Variants in CERS3 observed in about 807,000 individuals in gnomAD.
CERS3 encodes LAG1 homolog, ceramide synthase 3.
CERS3 carries 33 observed loss-of-function variants against 50.3 expected under a neutral mutation model. The observed-to-expected ratio is 0.66, with a 90% CI of 0.50 to 0.88. CERS3 has a LOEUF of 0.88. CERS3 is among the 40% of genes least tolerant of loss of function. CERS3 has a pLI of 0.00. For synonymous variants in CERS3, 176 were observed against 155.2 expected (o/e 1.13, Z -0.99); for missense variants, 470 against 460.3 (o/e 1.02, Z -0.19).
At chr15:100,537,454 G>A (rs2037101696) in intron 1 of CERS3, among the ~76,000 whole-genome samples, 1 of 152,200 alleles carries the variant, frequency 6.6e-6, no homozygotes, top group Non-Finnish European at 1.5e-5. Flanking sequence ...ATAAAGCAAA[G>A]AGGTTTAACT....
chr15:100,423,789 A>T (rs1361543372), intron 11 of CERS3, among the ~76,000 whole-genome samples: 1 of 152,126 alleles, frequency 6.6e-6, no homozygotes, highest in East Asian at 1.9e-4. Flanking sequence ...CCCCTACTCC[A>T]GCCATGTAAG....
At chr15:100,439,712 A>T (rs191692457) in intron 11 of CERS3, among the ~76,000 whole-genome samples, 3 of 152,320 alleles carry the variant, frequency 2.0e-5, no homozygotes, top group Admixed American at 2.0e-4. Flanking sequence ...TGTTCTTTAA[A>T]AGGAGGCTTT....
chr15:100,471,266 C>G (rs1054119721), intron 9 of CERS3, among the ~76,000 whole-genome samples: 1 of 151,838 alleles, frequency 6.6e-6, no homozygotes, highest in African/African-American at 2.4e-5. Context: ...GACCTCAGAA[C>G]GTTTTCAGGT....
At chr15:100,473,149 C>T in intron 8 of CERS3, 97 bp from the exon 9 acceptor site, 2 of 1,277,848 alleles carry the variant, frequency 1.6e-6, no homozygotes, top group South Asian at 2.9e-5. Flanking sequence ...CAATAACTTA[C>T]ATCTGCATGT....
Position 100,467,845 on chromosome 15 carries a change from A to ACG in CERS3, c.845+1532_845+1533insCG, listed in dbSNP as rs1479758825. On this transcript the variant is annotated intron_variant, in intron 10 of 11. Transcript: ENST00000679737. ...TGTGTATATATATACGTGTATATAT[A>ACG]TATATATAGATAGATAGATAGATAG... Among the ~76,000 whole-genome samples, 775 of 79,778 alleles carry ACG rather than the reference A, an allele frequency of 9.7e-3. 18 individuals are homozygous for ACG. Among genetic ancestry groups the ACG allele is most frequent in the Non-Finnish European group, 0.015 (572 of 38,256 alleles). The allele number at this position is 79,778 out of a possible 152,430, so 52.3% of individuals were successfully genotyped here.
At chr15:100,542,209 G>A (rs909410330) in intron 1 of CERS3, among the ~76,000 whole-genome samples, 1 of 152,088 alleles carries the variant, frequency 6.6e-6, no homozygotes, top group African/African-American at 2.4e-5. Flanking sequence ...TTCAGCCTCA[G>A]GAATGAACTA....
chr15:100,477,753 C>A (rs1324848256), intron 7 of CERS3, among the ~76,000 whole-genome samples: 1 of 152,108 alleles, frequency 6.6e-6, no homozygotes, highest in African/African-American at 2.4e-5. Context: ...TACTAGGAAG[C>A]AAACTGGTGT....
intron 2 of CERS3, among the ~76,000 whole-genome samples, chr15:100,505,961 C>T (rs2036164469): frequency 6.6e-6 from 1 of 152,176 alleles, no homozygotes. Flanking sequence ...TTTCAGTGAG[C>T]CAAAATGGGG....
intron 3 of CERS3, among the ~76,000 whole-genome samples, chr15:100,492,816 T>C (rs926758017): frequency 6.6e-6 from 1 of 152,214 alleles, no homozygotes; most frequent in African/African-American, 2.4e-5. Context: ...TATTTTCTGA[T>C]GGACCATTTT....
At chr15:100,487,537 T>C (rs1596746453) in intron 4 of CERS3, among the ~76,000 whole-genome samples, 1 of 152,332 alleles carries the variant, frequency 6.6e-6, no homozygotes, top group Non-Finnish European at 1.5e-5. Context: ...TTTGTATTTT[T>C]AGCCTCTACA....
At chr15:100,431,548 T>C (rs1038918522) in intron 11 of CERS3, among the ~76,000 whole-genome samples, 2 of 152,204 alleles carry the variant, frequency 1.3e-5, no homozygotes, top group African/African-American at 4.8e-5. Flanking sequence ...TCATGCCAAT[T>C]GACTTTACAA....
intron 11 of CERS3, among the ~76,000 whole-genome samples, chr15:100,417,726 G>A (rs2032057125): frequency 6.6e-6 from 1 of 151,924 alleles, no homozygotes; most frequent in Non-Finnish European, 1.5e-5. Flanking sequence ...GCACGCAGCT[G>A]GAGATCTGAG....
At chr15:100,528,172 T>C (rs959782222) in intron 1 of CERS3, among the ~76,000 whole-genome samples, 1 of 152,224 alleles carries the variant, frequency 6.6e-6, no homozygotes, top group African/African-American at 2.4e-5. Flanking sequence ...AAAAGTAGTT[T>C]GATTTTGTTT....
intron 2 of CERS3, among the ~76,000 whole-genome samples, chr15:100,519,235 G>T (rs1275138103): frequency 6.6e-6 from 1 of 152,046 alleles, no homozygotes; most frequent in Non-Finnish European, 1.5e-5. Flanking sequence ...TTTTGTGGAG[G>T]AGAACCCTGG....
chr15:100,450,444 A>T (rs1321130613), intron 11 of CERS3, among the ~76,000 whole-genome samples: 3 of 148,024 alleles, frequency 2.0e-5, no homozygotes, highest in Non-Finnish European at 4.5e-5. Context: ...AAAAAAGACT[A>T]GATCAAGCAG....
At chr15:100,479,881 C>T (rs552936722) in intron 6 of CERS3, 108 bp downstream of exon 6, 5 of 798,648 alleles carry the variant, frequency 6.3e-6, no homozygotes, top group African/African-American at 5.3e-5. Context: ...AGAGAAATCT[C>T]TAAAACTGGT....
chr15:100,418,310 C>G (rs1386234143), intron 11 of CERS3, among the ~76,000 whole-genome samples: 1 of 151,830 alleles, frequency 6.6e-6, no homozygotes, highest in Non-Finnish European at 1.5e-5. Context: ...CCGATGCGAT[C>G]AACTGGAAGA....
chr15:100,481,309 G>A (rs1203749419), intron 5 of CERS3, among the ~76,000 whole-genome samples: 1 of 152,122 alleles, frequency 6.6e-6, no homozygotes, highest in East Asian at 1.9e-4. Context: ...TTTCTTCATG[G>A]CTTGTTTTGA....
chr15:100,468,322 C>T (rs1223200625), intron 10 of CERS3, among the ~76,000 whole-genome samples: 1 of 152,122 alleles, frequency 6.6e-6, no homozygotes, highest in Non-Finnish European at 1.5e-5. Flanking sequence ...TTCAAGATCA[C>T]AAAGGTCGTA....
Sources: gnomAD v4.1 joint callset for allele counts (sites outside exome capture counted in the v4.1 genomes callset) on GRCh38, gnomAD v4.1.1 for gene constraint, MANE v1.5 for transcripts, NCBI Gene and HGNC (gene_info 2026-07-23, HGNC 2026-07-21) for gene names.